The following LLGL2 variants were observed in gnomAD, a reference collection of about 807,000 sequenced individuals.
LLGL2 encodes the protein LLGL scribble cell polarity complex component 2.
In LLGL2, 81 loss-of-function variants were observed where a neutral mutation model predicts 123.2. That is an observed-to-expected ratio of 0.66 (90% CI 0.55 to 0.79). The LOEUF is 0.79. LLGL2 is among the 30% of genes least tolerant of loss of function. The pLI, the probability that LLGL2 is intolerant of heterozygous loss-of-function variation, is 0.00. For missense variants in LLGL2, 1,273 were observed against 1,414.6 expected, an observed-to-expected ratio of 0.90 and a Z score of 1.61; for synonymous variants, 577 against 594.1, an observed-to-expected ratio of 0.97 and a Z score of 0.42.
chr17:75,574,045 G>A (rs948093694), intron 22 of LLGL2, 65 bp downstream of exon 22: 14 of 1,550,194 alleles, frequency 9.0e-6, no homozygotes, highest in Middle Eastern at 1.7e-4. Flanking sequence ...GGGGCTGGAC[G>A]GGAGGGAAGG....
intron 19 of LLGL2, among the ~76,000 whole-genome samples, 191 bp downstream of exon 19, chr17:75,572,255 C>T (rs191258281): frequency 0.012 from 1,891 of 152,144 alleles, 38 homozygotes; most frequent in African/African-American, 0.04. Context: ...GGGCCAGGCG[C>T]GGTGACTCAT....
chr17:75,563,121 CGTT>C lies in LLGL2; in HGVS notation c.639_641del (p.Val214del). The C allele has an allele frequency of 6.2e-7, 1 of 1,613,194 alleles. No homozygotes were observed. Among genetic ancestry groups the C allele is most frequent in the Non-Finnish European group, 8.5e-7 (1 of 1,180,038 alleles). On this transcript the variant is annotated inframe_deletion, in exon 7 of 26. Transcript: ENST00000392550. ...TCCTGATCGGCTACAGCCGAGGCCT[CGTT>C]GTCATCTGGGACCTACAGGGCAGCC...
chr17:75,558,992 T>A lies in LLGL2; in HGVS notation c.372-260T>A. ...CCTCCTCCATCCGCACCCCGCCTCC[T>A]CCATCTGCACCCCGCCTCCTCCATC... On this transcript the variant is annotated intron_variant, in intron 5 of 25. Coordinates refer to ENST00000392550, the MANE Select transcript of LLGL2 (RefSeq NM_001031803.2). The surrounding 1 kb of genome is among the most constrained non-coding windows in gnomAD (Gnocchi z 4.0). 1 of 547,978 alleles carries A rather than the reference T, an allele frequency of 1.8e-6. No individual in the cohort carries two copies. The highest frequency in any genetic ancestry group is 3.3e-6 in the Non-Finnish European group (1 of 306,444). The allele number at this position is 547,978 out of a possible 1,614,324, so 33.9% of individuals were successfully genotyped here.
rs185391385 is a variant in LLGL2 at position 75,547,055 on chromosome 17, G to A, written c.75+3554G>A. 4.0e-3 allele frequency among the ~76,000 whole-genome samples: 603 copies of A among 152,342 alleles called. 5 individuals carry two copies. The highest frequency in any genetic ancestry group is 0.013 in the African/African-American group (555 of 41,588). On this transcript the variant is annotated intron_variant, in intron 2 of 25. Coordinates refer to ENST00000392550, the MANE Select transcript of LLGL2 (RefSeq NM_001031803.2). Reference sequence around the variant, plus strand: ...TGGCGCCATCACAGCTCGACCCCAGGTGGCTTGTAGACACTGGCTTCTGAA... The same window carrying A: ...TGGCGCCATCACAGCTCGACCCCAGATGGCTTGTAGACACTGGCTTCTGAA...
intron 2 of LLGL2, among the ~76,000 whole-genome samples, chr17:75,552,786 G>T (rs1212094000): frequency 6.6e-6 from 1 of 152,190 alleles, no homozygotes; most frequent in African/African-American, 2.4e-5. Flanking sequence ...GGGTTTCCAA[G>T]AACTGACTTA....
intron 10 of LLGL2, among the ~76,000 whole-genome samples, chr17:75,567,508 G>A (rs2055493694): frequency 6.7e-6 from 1 of 149,898 alleles, no homozygotes; most frequent in Non-Finnish European, 1.5e-5. Flanking sequence ...GCGTGGTGGT[G>A]AGTGCCTGTA....
intron 3 of LLGL2, among the ~76,000 whole-genome samples, chr17:75,557,288 C>T (rs1465793284): frequency 5.3e-5 from 8 of 152,168 alleles, no homozygotes; most frequent in East Asian, 1.9e-4. Context: ...GAGCAGGGCT[C>T]GGCAGCTGTC....
chr17:75,532,079 T>TACACACACACACACCC (rs1555648021), intron 1 of LLGL2, among the ~76,000 whole-genome samples: 2 of 27,542 alleles, frequency 7.3e-5, no homozygotes, highest in Admixed American at 2.7e-4. Flanking sequence ...CACACACACT[T>TACACACACACACACCC]TTTTTTTTTT....
At position 75,575,040 on chromosome 17, in the gene LLGL2, C is replaced by T. The variant is rs2055910820; in HGVS notation, c.*162C>T. The T allele has an allele frequency of 1.0e-6, 1 of 971,386 alleles. No homozygotes were observed. The highest frequency in any genetic ancestry group is 1.6e-6 in the Non-Finnish European group (1 of 610,190). 60.2% of individuals were successfully genotyped at this position (971,386 alleles called of 1,614,324 possible). A position where few individuals can be genotyped will look rare whatever the true frequency, so the allele number is the denominator to read the frequency against. Reference sequence around the variant, plus strand: ...GCTCTGGGCCTCGGGAGAGGAGAGACCCCAGTCCCCTGGGCTGCCCTTCCC... The same window carrying T: ...GCTCTGGGCCTCGGGAGAGGAGAGATCCCAGTCCCCTGGGCTGCCCTTCCC... On this transcript the variant is annotated 3_prime_UTR_variant, in exon 26 of 26. Coordinates refer to ENST00000392550, the MANE Select transcript of LLGL2 (RefSeq NM_001031803.2).
At chr17:75,546,871 C>T (rs889924159) in intron 2 of LLGL2, among the ~76,000 whole-genome samples, 3 of 151,308 alleles carry the variant, frequency 2.0e-5, no homozygotes, top group African/African-American at 4.9e-5. Flanking sequence ...GCAGGTCCAG[C>T]GGACGGTGGG....
At chr17:75,565,408 C>G (rs2055402030) in intron 10 of LLGL2, among the ~76,000 whole-genome samples, 1 of 152,234 alleles carries the variant, frequency 6.6e-6, no homozygotes, top group Non-Finnish European at 1.5e-5. Context: ...TCTGTGTACT[C>G]ACGGCCTCTA....
chr17:75,540,628 G>T (rs1434037260), intron 1 of LLGL2, among the ~76,000 whole-genome samples: 4 of 152,216 alleles, frequency 2.6e-5, no homozygotes, highest in Non-Finnish European at 5.9e-5. Context: ...AATTGCAAGG[G>T]TGTCATTGGG....
chr17:75,537,012 G>T (rs1264452131), intron 1 of LLGL2, among the ~76,000 whole-genome samples: 1 of 152,098 alleles, frequency 6.6e-6, no homozygotes, highest in Non-Finnish European at 1.5e-5. Flanking sequence ...TAGTAGAGAC[G>T]GGGTTTTGGC....
At chr17:75,540,546 A>C (rs1488915953) in intron 1 of LLGL2, among the ~76,000 whole-genome samples, 1 of 152,134 alleles carries the variant, frequency 6.6e-6, no homozygotes, top group Non-Finnish European at 1.5e-5. Context: ...GCCAGTCCCC[A>C]GGCCCCAGAC....
chr17:75,575,100 GCA>G lies in LLGL2; in HGVS notation c.*225_*226del, dbSNP rs1224967291. The G allele has an allele frequency of 2.1e-5, 13 of 617,048 alleles. No homozygotes were observed. The highest frequency in any genetic ancestry group is 1.3e-4 in the African/African-American group (7 of 54,276). The allele number at this position is 617,048 out of a possible 1,614,324, so 38.2% of individuals were successfully genotyped here. A position where few individuals can be genotyped will look rare whatever the true frequency, so the allele number is the denominator to read the frequency against. ...CTGTCTGGGTCCTTTGGTCAATGTT[GCA>G]CAGTTTTTATTGCTCCCATCCCTTT... On this transcript the variant is annotated 3_prime_UTR_variant, in exon 26 of 26. Transcript: ENST00000392550.
At chr17:75,552,985 G>T (rs1373816036) in intron 2 of LLGL2, among the ~76,000 whole-genome samples, 1 of 152,198 alleles carries the variant, frequency 6.6e-6, no homozygotes, top group East Asian at 1.9e-4. Context: ...TGCTGGGAAA[G>T]TGCTGCTGTC....
chr17:75,547,715 C>G (rs1174862508), intron 2 of LLGL2, among the ~76,000 whole-genome samples: 1 of 151,988 alleles, frequency 6.6e-6, no homozygotes, highest in East Asian at 1.9e-4. Context: ...GTCTCAGCTA[C>G]TAGGGAGGCT....
In LLGL2 at chr17:75,540,642, C is replaced by G. The variant is rs1404253999; in HGVS notation, c.-30-2755C>G. 2.0e-5 allele frequency among the ~76,000 whole-genome samples: 3 copies of G among 152,234 alleles called. No homozygotes were observed. In the East Asian group the frequency reaches 5.8e-4, roughly 29 times the overall value. Reference sequence around the variant, plus strand: ...TAATTGCAAGGGTGTCATTGGGCATCCTTTGTTCTGTATTATCCATCCATC... The same window carrying G: ...TAATTGCAAGGGTGTCATTGGGCATGCTTTGTTCTGTATTATCCATCCATC... On this transcript the variant is annotated intron_variant, in intron 1 of 25. Transcript: ENST00000392550.
intron 6 of LLGL2, among the ~76,000 whole-genome samples, chr17:75,561,497 C>T (rs2055216392): frequency 6.6e-6 from 1 of 152,036 alleles, no homozygotes. Context: ...CAAGGCGGCA[C>T]ACGTCTGCAG....
Sources: allele counts gnomAD v4.1 joint callset (sites outside exome capture counted in the v4.1 genomes callset), GRCh38; gene constraint gnomAD v4.1.1; non-coding constraint Gnocchi (gnomAD v3.1); transcripts MANE v1.5; gene names NCBI Gene and HGNC (gene_info 2026-07-23, HGNC 2026-07-21).